Variants in FMNL2 observed in about 807,000 individuals in gnomAD.
FMNL2 encodes the protein formin-like protein 2.
In FMNL2, 51 loss-of-function variants were observed where a neutral mutation model predicts 130.2. The observed-to-expected ratio is 0.39, with a 90% confidence interval of 0.31 to 0.49. The LOEUF (loss-of-function observed/expected upper bound fraction) is 0.49. Ranked by LOEUF, FMNL2 falls within the 20% of genes least tolerant of loss-of-function variation. The probability of loss-of-function intolerance (pLI) is 0.85; values close to 1 mark genes in which losing one functional copy is unlikely to be tolerated. For synonymous variants in FMNL2, 465 were observed against 467.1 expected, an observed-to-expected ratio of 1.00 and a Z score of 0.06; for missense variants, 977 against 1,316.2, an observed-to-expected ratio of 0.74 and a Z score of 3.99.
At chr2:152,633,277 G>A (rs1030355854) in intron 21 of FMNL2, among the ~76,000 whole-genome samples, 5 of 151,888 alleles carry the variant, frequency 3.3e-5, no homozygotes, top group Admixed American at 2.0e-4. Context: ...TAAAATTTTT[G>A]TAGAGATGGG....
chr2:152,433,706 G>C (rs78457395), intron 1 of FMNL2, among the ~76,000 whole-genome samples: 1 of 152,112 alleles, frequency 6.6e-6, no homozygotes, highest in Admixed American at 6.6e-5. Flanking sequence ...ACCACCTTAG[G>C]TTGGCTGTGA....
intron 10 of FMNL2, 32 bp from the exon 11 acceptor site, chr2:152,611,463 G>A: frequency 7.5e-6 from 10 of 1,329,768 alleles, no homozygotes; most frequent in Non-Finnish European, 1.1e-5. Flanking sequence ...AAAGTTTGGA[G>A]CCCATCTAAC....
chr2:152,540,496 A>C (rs1694250160), intron 2 of FMNL2, among the ~76,000 whole-genome samples: 1 of 152,186 alleles, frequency 6.6e-6, no homozygotes, highest in Non-Finnish European at 1.5e-5. Context: ...TTCATATACT[A>C]CAAAATTCAC....
At chr2:152,493,233 A>G (rs1482910758) in intron 1 of FMNL2, among the ~76,000 whole-genome samples, 1 of 152,184 alleles carries the variant, frequency 6.6e-6, no homozygotes, top group Non-Finnish European at 1.5e-5. Flanking sequence ...TGAGAGTTCA[A>G]ATTGTTTTCT....
At chr2:152,341,256 A>G (rs1468754922) in intron 1 of FMNL2, among the ~76,000 whole-genome samples, 1 of 152,156 alleles carries the variant, frequency 6.6e-6, no homozygotes, top group African/African-American at 2.4e-5. Context: ...GAGCTGTTTT[A>G]TTCTCCAAAG....
rs545694890 is a variant in FMNL2 at position 152,415,594 on chromosome 2, A to T, written c.117+79874A>T. Among the ~76,000 whole-genome samples the T allele has an allele frequency of 1.3e-3, 200 of 152,178 alleles. 1 individual carries two copies. Among genetic ancestry groups the T allele is most frequent in the African/African-American group, 4.7e-3 (195 of 41,510 alleles). ...GTAGAGCTTGCTGACACACTGGTCT[A>T]TTTTTGAGGTGGGTAATACTAATAT... On this transcript the variant is annotated intron_variant, in intron 1 of 25. Coordinates refer to ENST00000288670, the MANE Select transcript of FMNL2 (RefSeq NM_052905.4).
rs757174999 is a variant in FMNL2 at position 152,619,542 on chromosome 2, C to CGCT, written c.1663_1664insTGC (p.Pro554_Pro555insLeu). ...GGTCCAGTAACACCACCTATGCCAC[C>CGCT]GCCGCCGCCGCCCCCTCCTCCACCT... is the stretch of plus-strand genomic sequence containing the variant. On this transcript the variant is annotated inframe_insertion, in exon 15 of 26. Coordinates refer to ENST00000288670, the MANE Select transcript of FMNL2 (RefSeq NM_052905.4). 65 of 1,394,460 alleles carry CGCT rather than the reference C, an allele frequency of 4.7e-5. No individual in the cohort carries two copies. The East Asian group carries it at 9.8e-4, about 21-fold the overall frequency. The allele number at this position is 1,394,460 out of a possible 1,614,324, so 86.4% of individuals were successfully genotyped here.
chr2:152,608,360 GAAAAAAAAAAAGAAAAA>G (rs1200912975), intron 10 of FMNL2, among the ~76,000 whole-genome samples: 1 of 16,548 alleles, frequency 6.0e-5, no homozygotes. Context: ...CCCTTTTTGT[GAAAAAAAAAAAGAAAAA>G]AAAAAAAAAA....
intron 6 of FMNL2, among the ~76,000 whole-genome samples, chr2:152,566,077 G>A (rs1695819178): frequency 6.6e-6 from 1 of 152,158 alleles, no homozygotes; most frequent in Non-Finnish European, 1.5e-5. Context: ...ACCATGCCTA[G>A]CCAAGATAAT....
chr2:152,422,556 G>T (rs1287569409), intron 1 of FMNL2, among the ~76,000 whole-genome samples: 1 of 151,998 alleles, frequency 6.6e-6, no homozygotes, highest in Non-Finnish European at 1.5e-5. Flanking sequence ...ACAGGGTCTT[G>T]CACTGTCACC....
intron 15 of FMNL2, among the ~76,000 whole-genome samples, chr2:152,624,066 C>CT (rs1681580093): frequency 3.3e-4 from 1 of 2,994 alleles, no homozygotes; most frequent in African/African-American, 1.2e-3. Flanking sequence ...CTCCCCTCCC[C>CT]TCCCCTCCAC....
intron 1 of FMNL2, among the ~76,000 whole-genome samples, chr2:152,364,538 CAA>C (rs1233556882): frequency 6.6e-6 from 1 of 152,058 alleles, no homozygotes; most frequent in Non-Finnish European, 1.5e-5. Context: ...TCTAGTGCAA[CAA>C]GAGCAAATTT....
At chr2:152,365,313 G>A (rs192085844) in intron 1 of FMNL2, among the ~76,000 whole-genome samples, 12 of 152,248 alleles carry the variant, frequency 7.9e-5, no homozygotes, top group Admixed American at 3.9e-4. Context: ...GGAAAGGCAC[G>A]GTGGTATGGT....
intron 9 of FMNL2, among the ~76,000 whole-genome samples, chr2:152,594,169 A>G (rs1027664529): frequency 6.2e-4 from 94 of 152,244 alleles, no homozygotes; most frequent in Non-Finnish European, 4.4e-5. Flanking sequence ...AGTGGTTTTT[A>G]TATATCTTCC....
chr2:152,560,772 C>A, intron 5 of FMNL2, 111 bp from the exon 6 acceptor site: 1 of 972,646 alleles, frequency 1.0e-6, no homozygotes, highest in Non-Finnish European at 1.4e-6. Flanking sequence ...TTTACAAAGA[C>A]TTTCCATACT....
intron 11 of FMNL2, among the ~76,000 whole-genome samples, chr2:152,614,526 C>G (rs1477567099): frequency 6.6e-6 from 1 of 152,166 alleles, no homozygotes; most frequent in Non-Finnish European, 1.5e-5. Context: ...GGGTGGATCA[C>G]GAGGTCAGGA....
intron 1 of FMNL2, among the ~76,000 whole-genome samples, chr2:152,496,536 A>G (rs975396530): frequency 7.2e-5 from 11 of 152,214 alleles, no homozygotes; most frequent in Non-Finnish European, 8.8e-5. Flanking sequence ...ATCTTGTTTC[A>G]CATCCTACAT....
chr2:152,460,063 G>A (rs368609847), intron 1 of FMNL2, among the ~76,000 whole-genome samples: 4 of 152,206 alleles, frequency 2.6e-5, no homozygotes, highest in African/African-American at 9.6e-5. Context: ...ATTTAAGTCA[G>A]TTCTCTATTT....
chr2:152,388,429 G>A (rs865828196), intron 1 of FMNL2, among the ~76,000 whole-genome samples: 6 of 152,094 alleles, frequency 3.9e-5, no homozygotes, highest in Non-Finnish European at 5.9e-5. Context: ...AAGTATGAAC[G>A]GAATGGGAGA....
Sources: allele counts gnomAD v4.1 joint callset (sites outside exome capture counted in the v4.1 genomes callset), GRCh38; gene constraint gnomAD v4.1.1; transcripts MANE v1.5; gene names NCBI Gene and HGNC (gene_info 2026-07-23, HGNC 2026-07-21).